The following VPS37A variants were observed in gnomAD, a reference collection of about 807,000 sequenced individuals.
The protein encoded by VPS37A is VPS37A subunit of ESCRT-I.
A neutral mutation model predicts 49.8 loss-of-function variants in VPS37A; 30 were observed. The ratio of observed to expected loss-of-function variants is 0.60; its 90% CI spans 0.45 to 0.82. The LOEUF (loss-of-function observed/expected upper bound fraction) is 0.82, where lower values mean the gene tolerates loss of function less well. VPS37A is among the 40% of genes least tolerant of loss of function. The pLI is 0.00. For synonymous variants in VPS37A, 195 were observed against 160.6 expected (o/e 1.21, Z -1.62); for missense variants, 593 against 464.4 (o/e 1.28, Z -2.55).
downstream of VPS37A, among the ~76,000 whole-genome samples, chr8:17,306,731 G>A (rs186205298): frequency 1.3e-5 from 2 of 152,258 alleles, no homozygotes; most frequent in African/African-American, 4.8e-5. Flanking sequence ...ATCAGTTTTA[G>A]AGTTTTCCCA....
the VPS37A span, among the ~76,000 whole-genome samples, chr8:17,330,645 A>G: frequency 1.3e-5 from 2 of 152,146 alleles, no homozygotes; most frequent in African/African-American, 4.8e-5. Context: ...TGTTCGCCAT[A>G]TATGTCAAAG....
chr8:17,264,018 A>G (rs1244767644), intron 1 of VPS37A, among the ~76,000 whole-genome samples: 2 of 152,238 alleles, frequency 1.3e-5, no homozygotes, highest in African/African-American at 4.8e-5. Flanking sequence ...CTATTTAATA[A>G]TAGCTAACAT....
the VPS37A span, among the ~76,000 whole-genome samples, chr8:17,319,963 G>A: frequency 4.5e-4 from 69 of 152,196 alleles, no homozygotes; most frequent in African/African-American, 1.6e-3. Flanking sequence ...TGTCTGATCA[G>A]GATTGAGATA....
chr8:17,303,283 A>G (rs1253613457), downstream of VPS37A, among the ~76,000 whole-genome samples: 1 of 152,188 alleles, frequency 6.6e-6, no homozygotes, highest in Non-Finnish European at 1.5e-5. Flanking sequence ...TACATGCACT[A>G]TGGAGGCTTT....
intron 1 of VPS37A, 33 bp from the exon 2 acceptor site, chr8:17,265,873 CT>C (rs763987017): frequency 5.8e-5 from 93 of 1,612,354 alleles, no homozygotes; most frequent in Non-Finnish European, 7.7e-5. Context: ...GGTTTCATGA[CT>C]TTGGGTAAAT....
At chr8:17,284,876 AG>A (rs369030877) in intron 10 of VPS37A, among the ~76,000 whole-genome samples, 1 of 152,068 alleles carries the variant, frequency 6.6e-6, no homozygotes, top group East Asian at 1.9e-4. Context: ...AGGGGACCCC[AG>A]GGGGGCAACT....
At chr8:17,251,007 A>G (rs1011147171) in intron 1 of VPS37A, among the ~76,000 whole-genome samples, 2 of 152,338 alleles carry the variant, frequency 1.3e-5, no homozygotes, top group African/African-American at 2.4e-5. Context: ...CTTTATGGAC[A>G]GGAGTAGAAC....
chr8:17,333,116 A>G, the VPS37A span, among the ~76,000 whole-genome samples: 1 of 152,210 alleles, frequency 6.6e-6, no homozygotes, highest in East Asian at 1.9e-4. Flanking sequence ...GCCCTGCTCC[A>G]TGACGTGGCT....
downstream of VPS37A, among the ~76,000 whole-genome samples, chr8:17,305,500 C>T (rs1019690128): frequency 6.6e-6 from 1 of 152,020 alleles, no homozygotes; most frequent in African/African-American, 2.4e-5. Context: ...AATTCCCTTT[C>T]GATATTCATG....
intron 1 of VPS37A, among the ~76,000 whole-genome samples, chr8:17,255,352 G>A (rs935624905): frequency 3.3e-5 from 5 of 152,056 alleles, no homozygotes; most frequent in African/African-American, 9.7e-5. Flanking sequence ...ATGGTAGCAG[G>A]CGCCTGTAAT....
chr8:17,265,925 A>C lies in VPS37A; in HGVS notation c.144A>C (p.Lys48Asn), dbSNP rs1813407062. 6.2e-7 allele frequency: 1 copy of C among 1,613,432 alleles called. No individual in the cohort carries two copies. The highest frequency in any genetic ancestry group is 8.5e-7 in the Non-Finnish European group (1 of 1,179,694). Residue 48 changes from lysine to asparagine, a missense_variant, in exon 2 of 12, where the codon AAA becomes AAC. By Grantham distance (94) the Lys-to-Asn change is moderately conservative. Coordinates refer to ENST00000324849, the MANE Select transcript of VPS37A (RefSeq NM_152415.3). The part of the protein sequence containing the change: ...NSHSSIAEIQ[K>N]DVEYRLPFTI... ...CCTGCAGTATAGCCGAAATACAGAA[A>C]GATGTGGAATACAGATTGCCATTCA...
chr8:17,259,805 C>T (rs1812808358), intron 1 of VPS37A, among the ~76,000 whole-genome samples: 1 of 151,950 alleles, frequency 6.6e-6, no homozygotes, highest in Non-Finnish European at 1.5e-5. Context: ...TGAATTGACC[C>T]CTTTATCATT....
chr8:17,287,059 G>A (rs1408467451), intron 11 of VPS37A, among the ~76,000 whole-genome samples: 4 of 152,014 alleles, frequency 2.6e-5, no homozygotes, highest in Non-Finnish European at 4.4e-5. Context: ...CTTACATTGC[G>A]TTGTCTTACA....
At chr8:17,280,820 A>G (rs915332032) in intron 9 of VPS37A, among the ~76,000 whole-genome samples, 19 of 151,956 alleles carry the variant, frequency 1.3e-4, no homozygotes, top group Admixed American at 2.6e-4. Context: ...AGAATAATAT[A>G]TGAAAAATAT....
intron 11 of VPS37A, among the ~76,000 whole-genome samples, chr8:17,292,108 T>C (rs1816211834): frequency 6.6e-6 from 1 of 152,206 alleles, no homozygotes; most frequent in Non-Finnish European, 1.5e-5. Flanking sequence ...AGTCTAAGTC[T>C]CTTTGAGGTC....
chr8:17,323,440 G>C, the VPS37A span, among the ~76,000 whole-genome samples: 1 of 152,058 alleles, frequency 6.6e-6, no homozygotes, highest in African/African-American at 2.4e-5. Flanking sequence ...AGGGTTTAAG[G>C]GATGCTAAAA....
At chr8:17,304,746 C>CGTGT (rs10527892), downstream of VPS37A, among the ~76,000 whole-genome samples, 405 of 147,084 alleles carry the variant, frequency 2.8e-3, 8 homozygotes, top group African/African-American at 9.5e-3. Context: ...GTGTTCGATT[C>CGTGT]GTGTGTGTGT....
At chr8:17,268,426 C>G (rs752773239) in intron 3 of VPS37A, 54 bp downstream of exon 3, 18 of 1,271,752 alleles carry the variant, frequency 1.4e-5, no homozygotes, top group Non-Finnish European at 1.9e-5. Flanking sequence ...TATTACTTTT[C>G]TACTAAATAT....
intron 1 of VPS37A, among the ~76,000 whole-genome samples, chr8:17,260,407 A>G (rs894335162): frequency 6.6e-6 from 1 of 152,094 alleles, no homozygotes; most frequent in African/African-American, 2.4e-5. Context: ...TATATTACCT[A>G]TCTCTTAACA....
Sources: gnomAD v4.1 joint callset for allele counts (sites outside exome capture counted in the v4.1 genomes callset) on GRCh38, gnomAD v4.1.1 for gene constraint, MANE v1.5 for transcripts, NCBI Gene and HGNC (gene_info 2026-07-23, HGNC 2026-07-21) for gene names.